Variants in DIP2C observed in about 807,000 individuals in gnomAD.
DIP2C encodes DIP2 acetate--CoA ligase C (putative).
DIP2C carries 33 observed loss-of-function variants against 192.4 expected under a neutral mutation model. That is an observed-to-expected ratio of 0.17 (90% CI 0.13 to 0.23). The LOEUF is 0.23. DIP2C is among the 10% of genes least tolerant of loss of function. DIP2C has a pLI of 1.00. For missense variants in DIP2C, 1,537 were observed against 2,110.1 expected, an observed-to-expected ratio of 0.73 and a Z score of 5.32; for synonymous variants, 979 against 864.1, an observed-to-expected ratio of 1.13 and a Z score of -2.33.
chr10:367,581 TCA>T (rs1304668026), intron 18 of DIP2C, among the ~76,000 whole-genome samples: 1 of 151,992 alleles, frequency 6.6e-6, no homozygotes, highest in Non-Finnish European at 1.5e-5. Context: ...GAAAAGACAA[TCA>T]CAAAAATCAC....
intron 1 of DIP2C, among the ~76,000 whole-genome samples, chr10:561,990 G>T (rs1158696841): frequency 6.6e-6 from 1 of 152,204 alleles, no homozygotes; most frequent in Non-Finnish European, 1.5e-5. Flanking sequence ...TCCTACAACT[G>T]CTGTCACCAG....
chr10:522,667 G>C (rs918627772), intron 1 of DIP2C, among the ~76,000 whole-genome samples: 1 of 152,232 alleles, frequency 6.6e-6, no homozygotes, highest in African/African-American at 2.4e-5. Context: ...TGCCATCTGT[G>C]TCTCTTCTTT....
At chr10:438,912 C>T (rs1239985425) in intron 4 of DIP2C, among the ~76,000 whole-genome samples, 4 of 152,166 alleles carry the variant, frequency 2.6e-5, no homozygotes, top group African/African-American at 9.7e-5. Flanking sequence ...ACCTCTGCCT[C>T]CCAGGCTCAA....
chr10:363,552 C>T lies in DIP2C; in HGVS notation c.2478-241G>A, dbSNP rs1027461077. ...CCCCACGGAGGCCACACACAGCACC[C>T]GCGGGCTCTGGTGACCAGGTTGCGC... On this transcript the variant is annotated intron_variant, in intron 20 of 36. Coordinates refer to ENST00000280886, the MANE Select transcript of DIP2C (RefSeq NM_014974.3). The surrounding 1 kb of genome is among the most constrained non-coding windows in gnomAD (Gnocchi z 5.4). Among the ~76,000 whole-genome samples the T allele has an allele frequency of 4.6e-5, 7 of 152,316 alleles. No individual in the cohort carries two copies. Among genetic ancestry groups the T allele is most frequent in the Non-Finnish European group, 7.3e-5 (5 of 68,036 alleles).
chr10:659,167 A>G (rs995301526), intron 1 of DIP2C, among the ~76,000 whole-genome samples: 1 of 152,270 alleles, frequency 6.6e-6, no homozygotes, highest in Non-Finnish European at 1.5e-5. Context: ...TAACATGCAC[A>G]CATATACATT....
chr10:404,696 C>T (rs1390727495), intron 9 of DIP2C, among the ~76,000 whole-genome samples: 1 of 152,184 alleles, frequency 6.6e-6, no homozygotes, highest in Non-Finnish European at 1.5e-5. Context: ...GGATCACTGG[C>T]AGACACAAAA....
At chr10:596,487 A>G (rs1204977241) in intron 1 of DIP2C, among the ~76,000 whole-genome samples, 1 of 111,476 alleles carries the variant, frequency 9.0e-6, no homozygotes, top group Non-Finnish European at 1.7e-5. Flanking sequence ...CCAGTGCGAA[A>G]CTCCATCTCA....
chr10:585,101 A>G (rs12572037), intron 1 of DIP2C, among the ~76,000 whole-genome samples: 5,312 of 152,312 alleles, frequency 0.035, 179 homozygotes, highest in African/African-American at 0.085. Flanking sequence ...CAGCAGAAAG[A>G]GCCTTGGACA....
intron 32 of DIP2C, among the ~76,000 whole-genome samples, chr10:303,145 C>G (rs1417609891): frequency 1.3e-5 from 2 of 152,170 alleles, no homozygotes; most frequent in Non-Finnish European, 2.9e-5. Context: ...GCCAAGACAT[C>G]ACCACACGTG....
chr10:476,339 C>G (rs778441228), intron 2 of DIP2C, among the ~76,000 whole-genome samples: 9 of 152,300 alleles, frequency 5.9e-5, no homozygotes, highest in Non-Finnish European at 8.8e-5. Context: ...TGCCTGCGGT[C>G]GTGGCCCCAA....
chr10:478,853 C>T lies in DIP2C; in HGVS notation c.158-6304G>A, dbSNP rs967574073. ...GGCGTGCTGGGGGTGCAGATAGCAA[C>T]GTCTCTATGGCTCACCTTAGCTCCC... On this transcript the variant is annotated intron_variant, in intron 2 of 36. Transcript: ENST00000280886. Among the ~76,000 whole-genome samples the T allele has an allele frequency of 3.3e-5, 5 of 152,108 alleles. 2 individuals carry two copies. Among genetic ancestry groups the T allele is most frequent in the Admixed American group, 2.6e-4 (4 of 15,262 alleles).
At chr10:555,140 C>G (rs1848778837) in intron 1 of DIP2C, among the ~76,000 whole-genome samples, 1 of 151,990 alleles carries the variant, frequency 6.6e-6, no homozygotes, top group Non-Finnish European at 1.5e-5. Flanking sequence ...AAACCACAAT[C>G]TCTTTACCCA....
At chr10:610,894 G>T (rs1048741934) in intron 1 of DIP2C, among the ~76,000 whole-genome samples, 1 of 149,214 alleles carries the variant, frequency 6.7e-6, no homozygotes, top group Non-Finnish European at 1.5e-5. Flanking sequence ...GTTGGAGGTG[G>T]GCCCTGGTGG....
At chr10:353,748 C>T (rs1307353173) in intron 24 of DIP2C, among the ~76,000 whole-genome samples, 2 of 152,194 alleles carry the variant, frequency 1.3e-5, no homozygotes, top group African/African-American at 2.4e-5. Context: ...TCAGCAGAAA[C>T]GTGCATCCTT....
chr10:320,242 G>T lies in DIP2C; in HGVS notation c.3924+6764C>A, dbSNP rs146798573. ...AATGTGAATTGTATTTACACACACA[G>T]ATTGGCACTTAAAAGAATCAACTTT... On this transcript the variant is annotated intron_variant, in intron 31 of 36. Transcript: ENST00000280886. 6.3e-3 allele frequency among the ~76,000 whole-genome samples: 961 copies of T among 152,314 alleles called. 8 individuals are homozygous for T. The highest frequency in any genetic ancestry group is 0.012 in the South Asian group (60 of 4,824).
At chr10:284,644 A>G (rs1955004055) in intron 34 of DIP2C, among the ~76,000 whole-genome samples, 1 of 152,186 alleles carries the variant, frequency 6.6e-6, no homozygotes, top group African/African-American at 2.4e-5. Flanking sequence ...GTTAGAGGGC[A>G]AACAGGTTAT....
intron 1 of DIP2C, among the ~76,000 whole-genome samples, chr10:579,655 C>T (rs1850455918): frequency 6.6e-6 from 1 of 152,026 alleles, no homozygotes; most frequent in Non-Finnish European, 1.5e-5. Context: ...AGCAAACATC[C>T]AGATCCATAG....
intron 2 of DIP2C, among the ~76,000 whole-genome samples, chr10:485,246 C>T (rs1356064923): frequency 1.3e-5 from 2 of 152,250 alleles, no homozygotes; most frequent in Non-Finnish European, 2.9e-5. Flanking sequence ...TTCTGCAGCA[C>T]ATGAGGGCAC....
chr10:406,403 C>A (rs959130518), intron 9 of DIP2C, among the ~76,000 whole-genome samples: 1 of 152,240 alleles, frequency 6.6e-6, no homozygotes, highest in Non-Finnish European at 1.5e-5. Flanking sequence ...TCCTCTCCCC[C>A]AGTCCCTGGC....
Sources: gnomAD v4.1 joint callset for allele counts (sites outside exome capture counted in the v4.1 genomes callset) on GRCh38, gnomAD v4.1.1 for gene constraint, Gnocchi (gnomAD v3.1) non-coding constraint, MANE v1.5 for transcripts, NCBI Gene and HGNC (gene_info 2026-07-23, HGNC 2026-07-21) for gene names.